STK32B: variants seen among roughly 807,000 people sequenced by gnomAD.
STK32B encodes serine/threonine-protein kinase 32B.
Under a neutral mutation model 52.6 loss-of-function variants are expected in STK32B, and 43 were observed. That is an observed-to-expected ratio of 0.82 (90% confidence interval 0.64 to 1.05). The LOEUF (loss-of-function observed/expected upper bound fraction) is 1.05. Among genes scored for constraint, STK32B ranks in the 50% least tolerant of loss-of-function variants. The pLI, the probability that STK32B is intolerant of heterozygous loss-of-function variation, is 0.00. For synonymous variants in STK32B, 238 were observed against 204.3 expected (o/e 1.17, Z -1.41); for missense variants, 621 against 534.6 (o/e 1.16, Z -1.59).
intron 3 of STK32B, among the ~76,000 whole-genome samples, chr4:5,239,577 C>T (rs1218334749): frequency 1.3e-5 from 2 of 151,956 alleles, no homozygotes; most frequent in Non-Finnish European, 2.9e-5. Context: ...CAGGGCACCC[C>T]AGATACTGGC....
At chr4:5,493,769 G>A (rs1719950954) in intron 11 of STK32B, among the ~76,000 whole-genome samples, 1 of 152,268 alleles carries the variant, frequency 6.6e-6, no homozygotes, top group African/African-American at 2.4e-5. Context: ...AGAGATTCTG[G>A]TATGTTGTGT....
chr4:5,433,644 C>T (rs928408446), intron 6 of STK32B, among the ~76,000 whole-genome samples: 1 of 152,178 alleles, frequency 6.6e-6, no homozygotes, highest in East Asian at 1.9e-4. Flanking sequence ...ATTCTGTGTT[C>T]CCAGTCAAGA....
At chr4:5,323,961 C>T (rs1253846869) in intron 3 of STK32B, among the ~76,000 whole-genome samples, 4 of 152,346 alleles carry the variant, frequency 2.6e-5, no homozygotes, top group Admixed American at 2.6e-4. Context: ...GGACATGTTA[C>T]TTAATCTCTC....
chr4:5,258,677 C>G (rs1397369322), intron 3 of STK32B, among the ~76,000 whole-genome samples: 1 of 152,160 alleles, frequency 6.6e-6, no homozygotes, highest in African/African-American at 2.4e-5. Flanking sequence ...TCAGCATCTC[C>G]CCAGCTTCCA....
At chr4:5,270,179 A>T (rs921746791) in intron 3 of STK32B, among the ~76,000 whole-genome samples, 1 of 152,170 alleles carries the variant, frequency 6.6e-6, no homozygotes, top group African/African-American at 2.4e-5. Flanking sequence ...ATGTATATAT[A>T]AAGAGGAGTT....
At chr4:5,263,058 T>G (rs1373466376) in intron 3 of STK32B, among the ~76,000 whole-genome samples, 2 of 152,072 alleles carry the variant, frequency 1.3e-5, no homozygotes, top group Admixed American at 6.6e-5. Flanking sequence ...AGCATCTTAT[T>G]TTATTGAATT....
At chr4:5,279,174 C>G (rs1286987495) in intron 3 of STK32B, among the ~76,000 whole-genome samples, 2 of 152,212 alleles carry the variant, frequency 1.3e-5, no homozygotes, top group African/African-American at 4.8e-5. Context: ...AAAGTCTCAT[C>G]TGAGACAAGG....
chr4:5,092,534 CA>C (rs527339612), intron 1 of STK32B, among the ~76,000 whole-genome samples: 5,471 of 86,796 alleles, frequency 0.063, 269 homozygotes, highest in African/African-American at 0.18. Flanking sequence ...GACTCCGTCT[CA>C]AAAAAAAAAA....
chr4:5,323,196 A>G (rs1014749799), intron 3 of STK32B, among the ~76,000 whole-genome samples: 5 of 152,168 alleles, frequency 3.3e-5, no homozygotes, highest in Non-Finnish European at 7.4e-5. Flanking sequence ...AGTCAGTCAG[A>G]GAAACCCACT....
At chr4:5,446,193 T>C (rs1715402139) in intron 6 of STK32B, among the ~76,000 whole-genome samples, 1 of 152,232 alleles carries the variant, frequency 6.6e-6, no homozygotes, top group South Asian at 2.1e-4. Context: ...CTGTAACTTG[T>C]TCTCAGACAG....
At chr4:5,446,583 A>C in intron 6 of STK32B, 90 bp from the exon 7 acceptor site, 1 of 1,117,794 alleles carries the variant, frequency 8.9e-7, no homozygotes, top group Non-Finnish European at 1.3e-6. Context: ...AAAAAAAACA[A>C]GCTCAATTTC....
upstream of STK32B, among the ~76,000 whole-genome samples, chr4:5,048,956 G>A (rs1017252896): frequency 1.3e-5 from 2 of 152,246 alleles, no homozygotes; most frequent in Non-Finnish European, 2.9e-5. Flanking sequence ...CTAGCACCCT[G>A]CAAAGAGTTA....
intron 4 of STK32B, among the ~76,000 whole-genome samples, chr4:5,333,794 C>T (rs559830360): frequency 3.8e-4 from 57 of 151,326 alleles, no homozygotes; most frequent in African/African-American, 9.1e-4. Context: ...TGTAGATATG[C>T]GGCTTATTTC....
intron 3 of STK32B, among the ~76,000 whole-genome samples, chr4:5,315,299 T>C (rs1730592214): frequency 6.6e-6 from 1 of 152,124 alleles, no homozygotes; most frequent in Non-Finnish European, 1.5e-5. Context: ...CCTGTCAGAA[T>C]GGCTAGCTTA....
the STK32B span, among the ~76,000 whole-genome samples, chr4:5,042,845 G>A: frequency 3.9e-5 from 6 of 152,058 alleles, no homozygotes; most frequent in Admixed American, 6.5e-5. Context: ...GGTGGCTCAC[G>A]CCTGTAATCC....
chr4:5,460,361 T>C lies in STK32B; in HGVS notation c.909+133T>C, dbSNP rs114986237. 5.2e-4 allele frequency: 716 copies of C among 1,384,374 alleles called. 6 individuals carry two copies. The African/African-American group carries it at 9.4e-3, about 18-fold the overall frequency. 85.8% of individuals were successfully genotyped at this position (1,384,374 alleles called of 1,614,324 possible). Reference sequence around the variant, plus strand: ...CACCTGAGCACCAAGGGCTTATGTCTTGCTGGAATTCAGGGTGAACTTGGG... The same window carrying C: ...CACCTGAGCACCAAGGGCTTATGTCCTGCTGGAATTCAGGGTGAACTTGGG... On this transcript the variant is annotated intron_variant, in intron 9 of 11. Coordinates refer to ENST00000282908, the MANE Select transcript of STK32B (RefSeq NM_018401.3). This position sits in a 1 kb window ranked among gnomAD's most constrained non-coding sequence, Gnocchi z 4.8.
At chr4:5,358,890 C>A (rs1452182561) in intron 4 of STK32B, among the ~76,000 whole-genome samples, 1 of 152,146 alleles carries the variant, frequency 6.6e-6, no homozygotes, top group African/African-American at 2.4e-5. Context: ...AGTGGGTTAA[C>A]ACATATACTT....
intron 1 of STK32B, among the ~76,000 whole-genome samples, chr4:5,105,034 A>G (rs1285105123): frequency 6.6e-6 from 1 of 152,256 alleles, no homozygotes; most frequent in Non-Finnish European, 1.5e-5. Flanking sequence ...GCAGGAATTT[A>G]CATTTTCACT....
intron 4 of STK32B, among the ~76,000 whole-genome samples, chr4:5,360,360 C>G (rs144508039): frequency 3.9e-5 from 6 of 152,086 alleles, no homozygotes; most frequent in Non-Finnish European, 8.8e-5. Flanking sequence ...AGACTAGATA[C>G]GCTCACAGAT....
Sources: gnomAD v4.1 joint callset for allele counts (sites outside exome capture counted in the v4.1 genomes callset) on GRCh38, gnomAD v4.1.1 for gene constraint, Gnocchi (gnomAD v3.1) non-coding constraint, MANE v1.5 for transcripts, NCBI Gene and HGNC (gene_info 2026-07-23, HGNC 2026-07-21) for gene names.